SND1: variants seen among roughly 807,000 people sequenced by gnomAD.
SND1 encodes the protein staphylococcal nuclease and tudor domain containing 1, also known as staphylococcal nuclease domain-containing protein 1.
Under a neutral mutation model 121.7 loss-of-function variants are expected in SND1, and 38 were observed. The observed-to-expected ratio is 0.31, with a 90% CI of 0.24 to 0.41. The LOEUF (loss-of-function observed/expected upper bound fraction) is 0.41, where lower values mean the gene tolerates loss of function less well. Among genes scored for constraint, SND1 ranks in the 10% least tolerant of loss-of-function variants. SND1 has a pLI of 1.00. For synonymous variants in SND1, 401 were observed against 447.4 expected (o/e 0.90, Z 1.31); for missense variants, 868 against 1,184.6 (o/e 0.73, Z 3.92).
rs1800380663 is a variant in SND1 at position 127,908,225 on chromosome 7, G to T, written c.1527+3406G>T. On this transcript the variant is annotated intron_variant, in intron 14 of 23. Coordinates refer to ENST00000354725, the MANE Select transcript of SND1 (RefSeq NM_014390.4). The stretch of plus-strand genomic sequence containing the variant: ...CCCAGCACTTTGGGAGGCCGAGGTG[G>T]GAGGATTGCTTAAGGTCAGGAATGC... 2.0e-5 allele frequency among the ~76,000 whole-genome samples: 3 copies of T among 151,926 alleles called. No individual in the cohort carries two copies. In the South Asian group the frequency reaches 6.2e-4, roughly 32 times the overall value.
intron 16 of SND1, among the ~76,000 whole-genome samples, chr7:128,048,677 G>A (rs959398258): frequency 6.6e-6 from 1 of 152,136 alleles, no homozygotes. Context: ...TGTGGAGAGT[G>A]CTGCTGGGAC....
Position 128,092,070 on chromosome 7 carries a change from G to T in SND1, c.*12G>T, listed in dbSNP as rs1416464969. ...GCTACAGCCGCTAAGGAGGGGATCG[G>T]GTTTGGCCCCCAGCCCCGCTCACGC... On this transcript the variant is annotated 3_prime_UTR_variant, in exon 24 of 24. Coordinates refer to ENST00000354725, the MANE Select transcript of SND1 (RefSeq NM_014390.4). This position sits in a 1 kb window ranked among gnomAD's most constrained non-coding sequence, Gnocchi z 4.9. 6.2e-7 allele frequency: 1 copy of T among 1,613,830 alleles called. No individual in the cohort carries two copies. Among genetic ancestry groups the T allele is most frequent in the East Asian group, 2.2e-5 (1 of 44,898 alleles).
At chr7:127,706,243 T>TC (rs1796193924) in intron 8 of SND1, among the ~76,000 whole-genome samples, 2 of 98,042 alleles carry the variant, frequency 2.0e-5, no homozygotes, top group African/African-American at 4.5e-5. Context: ...TTTAATTTCT[T>TC]GCCCCCCCTC....
At chr7:128,061,950 CAG>C (rs1793238263) in intron 16 of SND1, among the ~76,000 whole-genome samples, 1 of 152,370 alleles carries the variant, frequency 6.6e-6, no homozygotes, top group Admixed American at 6.5e-5. Flanking sequence ...AGCCCAGGCT[CAG>C]GGGCTCAGCG....
chr7:128,088,446 CTTTTTTT>C (rs1047161140), intron 21 of SND1, among the ~76,000 whole-genome samples: 4 of 80,112 alleles, frequency 5.0e-5, no homozygotes, highest in African/African-American at 1.1e-4. Context: ...CCCTATCTCT[CTTTTTTT>C]TTTTTTTTTT....
chr7:127,794,551 AATG>A (rs1445347403), intron 10 of SND1, among the ~76,000 whole-genome samples: 2 of 152,222 alleles, frequency 1.3e-5, no homozygotes, highest in Non-Finnish European at 2.9e-5. Context: ...TCTCTAACAA[AATG>A]ATATTATCCT....
At chr7:127,981,543 C>G (rs1279578732) in intron 15 of SND1, among the ~76,000 whole-genome samples, 1 of 151,926 alleles carries the variant, frequency 6.6e-6, no homozygotes, top group Admixed American at 6.5e-5. Flanking sequence ...TTTTTCTCCC[C>G]TTAAAAATCA....
intron 10 of SND1, among the ~76,000 whole-genome samples, chr7:127,734,864 G>A (rs1796745909): frequency 6.6e-6 from 1 of 152,184 alleles, no homozygotes; most frequent in Non-Finnish European, 1.5e-5. Context: ...CTAAATAAAT[G>A]CACAGATGTG....
At chr7:127,784,976 T>G (rs1422382267) in intron 10 of SND1, among the ~76,000 whole-genome samples, 1 of 152,156 alleles carries the variant, frequency 6.6e-6, no homozygotes, top group East Asian at 1.9e-4. Flanking sequence ...TGGAGTGCAG[T>G]GGCACAATCA....
chr7:128,018,720 C>G (rs2116959737), intron 16 of SND1, among the ~76,000 whole-genome samples: 1 of 152,282 alleles, frequency 6.6e-6, no homozygotes, highest in South Asian at 2.1e-4. Flanking sequence ...AGGCAAGCCA[C>G]CAGGGGCAAA....
Position 127,769,379 on chromosome 7 carries a change from G to A in SND1, c.1153-38105G>A, listed in dbSNP as rs1391627395. Among the ~76,000 whole-genome samples, 3 of 152,186 alleles carry A rather than the reference G, an allele frequency of 2.0e-5. No homozygotes were observed. In the South Asian group the frequency reaches 6.2e-4, roughly 31 times the overall value. ...TTGCCAAAGGGCAGGATGTAAACAT[G>A]TTTGCCAGCCCTGTTGAATTCTTTG... On this transcript the variant is annotated intron_variant, in intron 10 of 23. Coordinates refer to ENST00000354725, the MANE Select transcript of SND1 (RefSeq NM_014390.4).
chr7:127,795,660 A>C (rs981062102), intron 10 of SND1, among the ~76,000 whole-genome samples: 2 of 152,110 alleles, frequency 1.3e-5, no homozygotes, highest in African/African-American at 2.4e-5. Context: ...AGAATAGAAG[A>C]TTGTTTTAAA....
At chr7:127,935,215 T>C (rs773374537) in intron 15 of SND1, among the ~76,000 whole-genome samples, 3 of 152,204 alleles carry the variant, frequency 2.0e-5, no homozygotes, top group Non-Finnish European at 4.4e-5. Context: ...ACTTCCCTGA[T>C]ATCTAACAGA....
intron 12 of SND1, among the ~76,000 whole-genome samples, chr7:127,879,806 T>C (rs1799756476): frequency 6.6e-6 from 1 of 152,164 alleles, no homozygotes; most frequent in Admixed American, 6.5e-5. Flanking sequence ...CTAGGATACA[T>C]GCCTGATGTC....
At chr7:127,902,306 G>C (rs769593371) in intron 13 of SND1, among the ~76,000 whole-genome samples, 1 of 152,226 alleles carries the variant, frequency 6.6e-6, no homozygotes, top group Non-Finnish European at 1.5e-5. Flanking sequence ...GGATAAGGCT[G>C]TAGGCATTTA....
intron 16 of SND1, among the ~76,000 whole-genome samples, chr7:128,043,516 G>A (rs1258752258): frequency 6.6e-6 from 1 of 151,962 alleles, no homozygotes; most frequent in African/African-American, 2.4e-5. Flanking sequence ...AGAGGCTGCA[G>A]TGAGCCGAGA....
intron 10 of SND1, among the ~76,000 whole-genome samples, chr7:127,778,965 A>G (rs983443953): frequency 6.6e-6 from 1 of 152,146 alleles, no homozygotes; most frequent in African/African-American, 2.4e-5. Flanking sequence ...CTTGGCATTC[A>G]TTTTGAGTTG....
At chr7:127,687,431 T>C (rs1795832420) in intron 2 of SND1, among the ~76,000 whole-genome samples, 1 of 152,234 alleles carries the variant, frequency 6.6e-6, no homozygotes, top group African/African-American at 2.4e-5. Context: ...TTGAACATTG[T>C]ATCCAATAGA....
intron 16 of SND1, chr7:128,030,185 G>T: frequency 1.9e-6 from 3 of 1,614,258 alleles, no homozygotes; most frequent in Non-Finnish European, 2.5e-6. Flanking sequence ...TGCGAAGCCA[G>T]AGCTCCCGCA....
Sources: allele counts gnomAD v4.1 joint callset (sites outside exome capture counted in the v4.1 genomes callset), GRCh38; gene constraint gnomAD v4.1.1; non-coding constraint Gnocchi (gnomAD v3.1); transcripts MANE v1.5; gene names NCBI Gene and HGNC (gene_info 2026-07-23, HGNC 2026-07-21).